Variants in USP54 observed in about 807,000 individuals in gnomAD.
The protein encoded by USP54 is ubiquitin carboxyl-terminal hydrolase 54.
In USP54, 87 loss-of-function variants were observed where a neutral mutation model predicts 170.5. That is an observed-to-expected ratio of 0.51 (90% CI 0.43 to 0.61). The LOEUF is 0.61. Ranked by LOEUF, USP54 falls within the 20% of genes least tolerant of loss-of-function variation. The probability of loss-of-function intolerance (pLI) is 0.00; values close to 1 mark genes in which losing one functional copy is unlikely to be tolerated. For missense variants in USP54, 1,786 were observed against 2,047.8 expected, an observed-to-expected ratio of 0.87 and a Z score of 2.47; for synonymous variants, 655 against 742.8, an observed-to-expected ratio of 0.88 and a Z score of 1.92.
rs535853633 is a variant in USP54, at chr10:73,501,320, C to G, written c.4312-482G>C. ...TCACTGCTACACATTCCACAGCTTC[C>G]TCTTTTGCCTGTCAAGTTTGTATTT... On this transcript the variant is annotated intron_variant, in intron 22 of 23. Coordinates refer to ENST00000687698, the MANE Select transcript of USP54 (RefSeq NM_001391956.1). Among the ~76,000 whole-genome samples the G allele has an allele frequency of 2.0e-5, 3 of 152,292 alleles. No homozygotes were observed. The East Asian group carries it at 5.8e-4, about 29-fold the overall frequency.
Position 73,541,626 on chromosome 10 carries a change from A to C in USP54, c.678+7T>G. On this transcript the variant is annotated splice_region_variant and intron_variant, in intron 8 of 23. Coordinates refer to ENST00000687698, the MANE Select transcript of USP54 (RefSeq NM_001391956.1). ...CCACTCCAAACCCCACCCCTGATTT[A>C]ACTCACTGGACAGTTCCGCAGATCC... 1 of 1,614,056 alleles carries C rather than the reference A, an allele frequency of 6.2e-7. No individual in the cohort carries two copies. Among genetic ancestry groups the C allele is most frequent in the East Asian group, 2.2e-5 (1 of 44,878 alleles).
At chr10:73,543,641 C>T (rs576491021) in intron 5 of USP54, among the ~76,000 whole-genome samples, 43 of 152,310 alleles carry the variant, frequency 2.8e-4, no homozygotes, top group African/African-American at 9.4e-4. Flanking sequence ...GCTGGGATTA[C>T]AGGCGTGAGC....
At chr10:73,564,851 C>T (rs2073905950) in intron 4 of USP54, among the ~76,000 whole-genome samples, 1 of 149,300 alleles carries the variant, frequency 6.7e-6, no homozygotes, top group East Asian at 2.0e-4. Context: ...TGACTTGAGG[C>T]CAGGAATTCA....
rs1202711512 is a variant in USP54 at position 73,623,713 on chromosome 10, A to AT, written c.-18+1853_-18+1854insA. Among the ~76,000 whole-genome samples the AT allele has an allele frequency of 4.6e-5, 7 of 152,188 alleles. No homozygotes were observed. In the East Asian group the frequency reaches 1.3e-3, roughly 29 times the overall value. The stretch of plus-strand genomic sequence containing the variant: ...TACTATATAAACTCTTCAGGGGCAG[A>AT]ACCTTGTCTCATACTTTCATGTTCA... On this transcript the variant is annotated intron_variant, in intron 1 of 22. Transcript: ENST00000339859.
intron 4 of USP54, among the ~76,000 whole-genome samples, chr10:73,565,418 A>C (rs563884751): frequency 6.6e-6 from 1 of 152,202 alleles, no homozygotes; most frequent in East Asian, 1.9e-4. Context: ...CGGGAGGCAG[A>C]GGCAAGAGGA....
intron 1 of USP54, among the ~76,000 whole-genome samples, chr10:73,583,520 G>A (rs931097663): frequency 1.3e-5 from 2 of 152,054 alleles, no homozygotes; most frequent in Non-Finnish European, 2.9e-5. Flanking sequence ...TGCTGACCTC[G>A]GGTGATCCGC....
intron 4 of USP54, among the ~76,000 whole-genome samples, chr10:73,571,137 CAAAAAAAAAAAAAAAAA>C (rs59126730): frequency 2.3e-5 from 1 of 44,326 alleles, no homozygotes; most frequent in Non-Finnish European, 6.1e-5. Context: ...GACTTCATCC[CAAAAAAAAAAAAAAAAA>C]AAAAAAAAAG....
intron 1 of USP54, among the ~76,000 whole-genome samples, chr10:73,623,246 C>T (rs1019172596): frequency 3.9e-5 from 6 of 152,026 alleles, no homozygotes; most frequent in South Asian, 2.1e-4. Flanking sequence ...ATTAACTGCG[C>T]GTGGTTGCAT....
In USP54 at chr10:73,529,811, T is replaced by C; in HGVS notation, c.1929A>G (p.Pro643=). 6.2e-7 allele frequency: 1 copy of C among 1,612,422 alleles called. No individual in the cohort carries two copies. The highest frequency in any genetic ancestry group is 8.5e-7 in the Non-Finnish European group (1 of 1,178,936). Residue 643 remains proline, a synonymous_variant, in exon 15 of 24, where the codon CCA becomes CCG. Transcript: ENST00000687698. The part of the protein sequence containing the change: ...PQYKRWGPAR[P]GSHLLEQHPR... ...GGTGCTGCTCTAAAAGGTGAGAGCC[T>C]GGCCGTGCTGGGCCCCAGCGCTTGT...
At chr10:73,605,912 G>A (rs1182823778) in intron 1 of USP54, among the ~76,000 whole-genome samples, 2 of 151,850 alleles carry the variant, frequency 1.3e-5, no homozygotes, top group South Asian at 4.2e-4. Context: ...GTGTGGTAGC[G>A]CACACCTGTA....
intron 1 of USP54, among the ~76,000 whole-genome samples, chr10:73,619,547 A>G (rs1368808442): frequency 6.7e-6 from 1 of 149,562 alleles, no homozygotes; most frequent in Non-Finnish European, 1.5e-5. Flanking sequence ...AAAAAAAAAA[A>G]GAAAGAAAAA....
Position 73,521,134 on chromosome 10 carries a change from C to T in USP54, c.2363-107G>A. ...AGATCCTTGCTGCTGAGCCACTGGTCTACCCTTATTCCAACTGTCTATTCC... is the reference window on the plus strand; with the variant it reads ...AGATCCTTGCTGCTGAGCCACTGGTTTACCCTTATTCCAACTGTCTATTCC... On this transcript the variant is annotated intron_variant, in intron 17 of 23. Coordinates refer to ENST00000687698, the MANE Select transcript of USP54 (RefSeq NM_001391956.1). 3 of 1,441,508 alleles carry T rather than the reference C, an allele frequency of 2.1e-6. 1 individual carries two copies. The South Asian group carries it at 3.7e-5, about 18-fold the overall frequency. The allele number at this position is 1,441,508 out of a possible 1,614,324, so 89.3% of individuals were successfully genotyped here.
rs561021958 is a variant in USP54 at position 73,553,719 on chromosome 10, G to T, written c.241-8047C>A. Among the ~76,000 whole-genome samples the T allele has an allele frequency of 9.9e-4, 151 of 152,280 alleles. 1 individual carries two copies. Among genetic ancestry groups the T allele is most frequent in the Non-Finnish European group, 1.3e-3 (89 of 68,024 alleles). On this transcript the variant is annotated intron_variant, in intron 4 of 23. Coordinates refer to ENST00000687698, the MANE Select transcript of USP54 (RefSeq NM_001391956.1). The stretch of plus-strand genomic sequence containing the variant: ...TCACTTTTCCTGTGAGGTCCCTGAT[G>T]GTTCCATTTCAACAAGTAGAGAAAA...
At position 73,505,345 on chromosome 10, in the gene USP54, T is replaced by A; in HGVS notation, c.4133A>T (p.His1378Leu). 1 of 1,614,154 alleles carries A rather than the reference T, an allele frequency of 6.2e-7. No individual in the cohort carries two copies. The highest frequency in any genetic ancestry group is 8.5e-7 in the Non-Finnish European group (1 of 1,180,028). ...CACTGTTCTGGCTTCATGGAGACCA[T>A]GCTCCATTTCTGCTGTTGAAGTCTT... ...LSKTSTAEMEHGLHEARTVRT... is the reference protein window; with the variant it reads ...LSKTSTAEMELGLHEARTVRT... The change falls in exon 21 of 24, where the codon CAT becomes CTT. Residue 1378 changes from histidine to leucine, a missense_variant. His to Leu is a moderately conservative substitution (Grantham distance 99). Coordinates refer to ENST00000687698, the MANE Select transcript of USP54 (RefSeq NM_001391956.1).
At chr10:73,606,122 G>T (rs1366275581) in intron 1 of USP54, among the ~76,000 whole-genome samples, 1 of 141,572 alleles carries the variant, frequency 7.1e-6, no homozygotes, top group African/African-American at 2.6e-5. Context: ...AGGTTGCAGT[G>T]AGCTGAGATC....
chr10:73,583,338 T>C (rs1053572147), intron 1 of USP54, among the ~76,000 whole-genome samples: 1 of 152,024 alleles, frequency 6.6e-6, no homozygotes, highest in African/African-American at 2.4e-5. Flanking sequence ...CAGGCTGGAG[T>C]AAAATGGCGC....
chr10:73,511,383 G>A (rs1239580537), intron 20 of USP54, among the ~76,000 whole-genome samples: 2 of 151,596 alleles, frequency 1.3e-5, no homozygotes, highest in Middle Eastern at 3.4e-3. Flanking sequence ...TTTGGTGGCC[G>A]GGCGTGGTGG....
chr10:73,621,093 T>G (rs1198266588), intron 1 of USP54, among the ~76,000 whole-genome samples: 1 of 148,954 alleles, frequency 6.7e-6, no homozygotes, highest in Non-Finnish European at 1.5e-5. Flanking sequence ...TAAGCAGAGG[T>G]TGCAATGAGC....
At chr10:73,538,832 G>T (rs1377972476) in intron 10 of USP54, among the ~76,000 whole-genome samples, 2 of 151,868 alleles carry the variant, frequency 1.3e-5, no homozygotes, top group African/African-American at 4.8e-5. Context: ...AAAGTAAAAT[G>T]CTTTGTCACC....
Sources: gnomAD v4.1 joint callset for allele counts (sites outside exome capture counted in the v4.1 genomes callset) on GRCh38, gnomAD v4.1.1 for gene constraint, MANE v1.5 for transcripts, NCBI Gene and HGNC (gene_info 2026-07-23, HGNC 2026-07-21) for gene names.